The following CTNNA2 variants were observed in gnomAD, a reference collection of about 807,000 sequenced individuals.
CTNNA2 encodes the protein catenin alpha 2, also known as catenin alpha-2.
Under a neutral mutation model 101.0 loss-of-function variants are expected in CTNNA2, and 42 were observed. The ratio of observed to expected loss-of-function variants is 0.42; its 90% CI spans 0.32 to 0.54. The LOEUF (loss-of-function observed/expected upper bound fraction) is 0.54. Ranked by LOEUF, CTNNA2 falls within the 20% of genes least tolerant of loss-of-function variation. CTNNA2 has a pLI of 0.14. For synonymous variants in CTNNA2, 450 were observed against 456.4 expected (o/e 0.99, Z 0.18); for missense variants, 871 against 1,223.1 (o/e 0.71, Z 4.29).
At chr2:79,755,150 C>T (rs1365776971) in intron 3 of CTNNA2, among the ~76,000 whole-genome samples, 1 of 151,926 alleles carries the variant, frequency 6.6e-6, no homozygotes, top group Non-Finnish European at 1.5e-5. Context: ...GATAGCAAGA[C>T]CCCCATCTCT....
chr2:79,901,931 C>T (rs996308740), intron 6 of CTNNA2, among the ~76,000 whole-genome samples: 2 of 152,136 alleles, frequency 1.3e-5, no homozygotes, highest in South Asian at 4.1e-4. Flanking sequence ...AGCTTTAAGA[C>T]GGTTAACTCC....
intron 2 of CTNNA2, among the ~76,000 whole-genome samples, chr2:79,729,378 G>T (rs541209396): frequency 6.6e-6 from 1 of 152,232 alleles, no homozygotes; most frequent in African/African-American, 2.4e-5. Context: ...GGGAAGCTGA[G>T]TCTCAGATTC....
At chr2:79,791,541 C>G (rs1469180307) in intron 3 of CTNNA2, among the ~76,000 whole-genome samples, 1 of 152,146 alleles carries the variant, frequency 6.6e-6, no homozygotes, top group Non-Finnish European at 1.5e-5. Context: ...TGCATAGTTG[C>G]TTCAGGGGTA....
chr2:79,562,780 G>GAT (rs1674859204), intron 1 of CTNNA2, among the ~76,000 whole-genome samples: 1 of 152,046 alleles, frequency 6.6e-6, no homozygotes, highest in South Asian at 2.1e-4. Flanking sequence ...TGAACAGCAT[G>GAT]ATATCACTTT....
chr2:79,553,517 T>A lies in CTNNA2; in HGVS notation c.-6+40310T>A, dbSNP rs2104072156. ...TGGGTAATTTATAAAGAAAAAAGGT[T>A]TAATTCATTCACAGTTGCACAGGCT... is the stretch of plus-strand genomic sequence containing the variant. On this transcript the variant is annotated intron_variant, in intron 1 of 18. Transcript: ENST00000402739. Among the ~76,000 whole-genome samples, 2 of 152,292 alleles carry A rather than the reference T, an allele frequency of 1.3e-5. 1 individual carries two copies. The highest frequency in any genetic ancestry group is 3.9e-4 in the East Asian group (2 of 5,172).
At chr2:79,413,640 C>A (rs1678442904) in intron 4 of CTNNA2, among the ~76,000 whole-genome samples, 1 of 151,938 alleles carries the variant, frequency 6.6e-6, no homozygotes, top group African/African-American at 2.4e-5. Flanking sequence ...AACTGTCATA[C>A]TGTTTAACAT....
At chr2:79,248,224 G>C (rs1572998013) in intron 2 of CTNNA2, among the ~76,000 whole-genome samples, 2 of 152,046 alleles carry the variant, frequency 1.3e-5, no homozygotes, top group East Asian at 3.9e-4. Context: ...GCAATGTCTT[G>C]ACCGGTGCTA....
chr2:80,270,930 T>A (rs1468227342), intron 7 of CTNNA2, among the ~76,000 whole-genome samples: 2 of 152,130 alleles, frequency 1.3e-5, no homozygotes, highest in Non-Finnish European at 2.9e-5. Context: ...TAAGTGTGAA[T>A]GGGTAAGTGG....
chr2:79,386,297 A>G lies in CTNNA2; in HGVS notation c.-135+12284A>G, dbSNP rs190938333. On this transcript the variant is annotated intron_variant, in intron 4 of 21. Transcript: ENST00000466387. ...TGGGCCCACTTTAACTGCTAAGTCA[A>G]AATCCTCACATCTGGGACTCAGGAA... Among the ~76,000 whole-genome samples, 7 of 152,336 alleles carry G rather than the reference A, an allele frequency of 4.6e-5. No homozygotes were observed. In the East Asian group the frequency reaches 1.4e-3, roughly 29 times the overall value.
chr2:79,641,118 T>C (rs887254413), intron 1 of CTNNA2, among the ~76,000 whole-genome samples: 1 of 152,098 alleles, frequency 6.6e-6, no homozygotes, highest in Non-Finnish European at 1.5e-5. Flanking sequence ...TAGAGCAGGG[T>C]CAGAAAGTGG....
intron 3 of CTNNA2, among the ~76,000 whole-genome samples, chr2:79,356,060 G>GTA (rs990241949): frequency 5.3e-5 from 8 of 151,068 alleles, no homozygotes; most frequent in South Asian, 2.1e-4. Flanking sequence ...TCCTACCAGC[G>GTA]TATATATATA....
At chr2:79,519,313 AT>A (rs574610100) in intron 1 of CTNNA2, among the ~76,000 whole-genome samples, 10 of 150,378 alleles carry the variant, frequency 6.6e-5, no homozygotes, top group Admixed American at 5.3e-4. Context: ...CCTTTCATGT[AT>A]TTTTTTTATT....
intron 3 of CTNNA2, among the ~76,000 whole-genome samples, chr2:79,354,890 C>T (rs889134681): frequency 3.9e-5 from 6 of 152,152 alleles, no homozygotes; most frequent in Admixed American, 2.6e-4. Flanking sequence ...AGTGTTTTCT[C>T]TAAAAAGAGC....
chr2:79,329,084 T>C (rs898810947), intron 3 of CTNNA2, among the ~76,000 whole-genome samples: 2 of 152,178 alleles, frequency 1.3e-5, no homozygotes, highest in Non-Finnish European at 2.9e-5. Context: ...TCATCTTAAC[T>C]TGTTTACATA....
intron 1 of CTNNA2, among the ~76,000 whole-genome samples, chr2:79,543,295 G>A (rs1348776914): frequency 6.6e-6 from 1 of 152,162 alleles, no homozygotes; most frequent in African/African-American, 2.4e-5. Context: ...CAATCGTTAT[G>A]AGCTGGATAT....
chr2:79,672,584 C>T (rs1253175553), intron 2 of CTNNA2, among the ~76,000 whole-genome samples: 1 of 151,848 alleles, frequency 6.6e-6, no homozygotes, highest in African/African-American at 2.4e-5. Context: ...TATTTTTAAT[C>T]ACCTAAGTTA....
At chr2:79,895,691 A>ATTTTTTTT (rs757762487) in intron 6 of CTNNA2, among the ~76,000 whole-genome samples, 1 of 107,798 alleles carries the variant, frequency 9.3e-6, no homozygotes, top group Non-Finnish European at 1.8e-5. Flanking sequence ...GAAATTTCTT[A>ATTTTTTTT]ATTTTTTTTT....
chr2:79,605,221 A>C (rs1046988559), intron 1 of CTNNA2, among the ~76,000 whole-genome samples: 1 of 152,144 alleles, frequency 6.6e-6, no homozygotes, highest in Non-Finnish European at 1.5e-5. Context: ...AATATACTGG[A>C]TGGGACTAGT....
At chr2:79,433,881 G>C (rs182370261) in intron 4 of CTNNA2, among the ~76,000 whole-genome samples, 1 of 152,174 alleles carries the variant, frequency 6.6e-6, no homozygotes, top group Admixed American at 6.5e-5. Context: ...CACATAGTAG[G>C]TGATCATGAA....
Sources: gnomAD v4.1 joint callset for allele counts (sites outside exome capture counted in the v4.1 genomes callset) on GRCh38, gnomAD v4.1.1 for gene constraint, MANE v1.5 for transcripts, NCBI Gene and HGNC (gene_info 2026-07-23, HGNC 2026-07-21) for gene names.